The following PCNA variants were observed in gnomAD, a reference collection of about 807,000 sequenced individuals.
PCNA encodes the protein DNA sliding clamp PCNA.
Under a neutral mutation model 27.8 loss-of-function variants are expected in PCNA, and 4 were observed. The observed-to-expected ratio is 0.14, with a 90% CI of 0.07 to 0.33. The LOEUF is 0.33. Ranked by LOEUF, PCNA falls within the 10% of genes least tolerant of loss-of-function variation. The probability of loss-of-function intolerance (pLI) is 1.00; values close to 1 mark genes in which losing one functional copy is unlikely to be tolerated. For missense variants in PCNA, 165 were observed against 327.4 expected, an observed-to-expected ratio of 0.50 and a Z score of 3.83; for synonymous variants, 121 against 119.4, an observed-to-expected ratio of 1.01 and a Z score of -0.09.
At chr20:5,118,521 G>A (rs1415439157) in intron 3 of PCNA, 89 bp downstream of exon 3, 2 of 962,898 alleles carry the variant, frequency 2.1e-6, no homozygotes, top group African/African-American at 1.6e-5. Flanking sequence ...ACAGAGCCAA[G>A]ACCCTGTCTG....
upstream of PCNA, among the ~76,000 whole-genome samples, chr20:5,124,522 C>T (rs180756758): frequency 6.6e-3 from 996 of 151,354 alleles, 4 homozygotes; most frequent in African/African-American, 0.022. Context: ...CCCAGCTACT[C>T]GGGAGGCTGA....
chr20:5,119,701 C>A lies in PCNA; in HGVS notation c.98G>T (p.Ser33Ile). ...INEACWDISS[S>I]GVNLQSMDSS... ...GTCCATGCTCTGCAGGTTTACACCG[C>A]TGGAGCTAATATCCCAGCAGGCCTC... Residue 33 changes from serine to isoleucine, a missense_variant, in exon 1 of 6, where the codon AGC (serine) becomes ATC (isoleucine). Ser to Ile is a moderately radical substitution (Grantham distance 142, BLOSUM62 -2). Transcript: ENST00000379143. 6.2e-7 allele frequency: 1 copy of A among 1,608,028 alleles called. No individual in the cohort carries two copies. Among genetic ancestry groups the A allele is most frequent in the African/African-American group, 1.3e-5 (1 of 74,960 alleles).
In PCNA at chr20:5,115,572, C is replaced by T; in HGVS notation, c.583G>A (p.Val195Ile). ...TSNVDKEEEA[V>I]TIEMNEPVQL... is the part of the protein sequence containing the mutation. ...ACTGGTTCATTCATCTCTATGGTAA[C>T]CTACAAAACAAAAGATTCATCATTG... Residue 195 changes from valine (V) to isoleucine (I), a missense_variant and splice_region_variant, in exon 5 of 6, where the codon GTT (valine) becomes ATT (isoleucine). Coordinates refer to ENST00000379143, the MANE Select transcript of PCNA (RefSeq NM_182649.2). 6.2e-7 allele frequency: 1 copy of T among 1,611,162 alleles called. No individual in the cohort carries two copies. Among genetic ancestry groups the T allele is most frequent in the Non-Finnish European group, 8.5e-7 (1 of 1,178,680 alleles).
At chr20:5,123,694 CAA>C (rs79962697), upstream of PCNA, among the ~76,000 whole-genome samples, 28 of 87,458 alleles carry the variant, frequency 3.2e-4, no homozygotes, top group African/African-American at 3.8e-4. Context: ...ACCTCCATCT[CAA>C]AAAAAAAAAA....
At chr20:5,115,410 T>C in intron 5 of PCNA, 39 bp downstream of exon 5, 2 of 1,613,798 alleles carry the variant, frequency 1.2e-6, no homozygotes, top group Non-Finnish European at 1.7e-6. Context: ...GTATCACATA[T>C]GACTACCTAC....
chr20:5,118,528 T>A lies in PCNA; in HGVS notation c.387+82A>T, dbSNP rs534062260. On this transcript the variant is annotated intron_variant, in intron 3 of 5. Transcript: ENST00000379143. ...CCTGGGCAACAGAGCCAAGACCCTGTCTGTAAAAATAAACAAACATTCTAT... is the reference window on the plus strand; with the variant it reads ...CCTGGGCAACAGAGCCAAGACCCTGACTGTAAAAATAAACAAACATTCTAT... 1.7e-5 allele frequency: 17 copies of A among 1,020,438 alleles called. No homozygotes were observed. The East Asian group carries it at 3.8e-4, about 23-fold the overall frequency. 63.2% of individuals were successfully genotyped at this position (1,020,438 alleles called of 1,614,324 possible).
At chr20:5,115,603 C>T in intron 4 of PCNA, 31 bp from the exon 5 acceptor site, 1 of 1,593,512 alleles carries the variant, frequency 6.3e-7, no homozygotes, top group Non-Finnish European at 8.6e-7. Context: ...CATTGAAAAA[C>T]ATCAAGAAAG....
upstream of PCNA, chr20:5,120,137 A>G (rs2090508633): frequency 9.9e-6 from 3 of 302,112 alleles, no homozygotes; most frequent in South Asian, 8.9e-5. Context: ...AGCGTCGCGC[A>G]GGTCTCCCCG....
rs1056398901 is a variant in PCNA at position 5,115,076 on chromosome 20, G to T, written c.*207C>A. ...TTTCTAAGAGACAAAAATACTTCTA[G>T]GTTAACTAGACCAGATCTGACTTTG... On this transcript the variant is annotated 3_prime_UTR_variant, in exon 6 of 6. Coordinates refer to ENST00000379143, the MANE Select transcript of PCNA (RefSeq NM_182649.2). 3.1e-5 allele frequency: 14 copies of T among 451,236 alleles called. No individual in the cohort carries two copies. The Admixed American group carries it at 3.5e-4, about 11-fold the overall frequency. The allele number at this position is 451,236 out of a possible 1,614,324, so 28.0% of individuals were successfully genotyped here. A position where few individuals can be genotyped will look rare whatever the true frequency, so the allele number is the denominator to read the frequency against.
intron 1 of PCNA, chr20:5,126,394 G>A (rs1006926859): frequency 1.3e-5 from 2 of 152,288 alleles, no homozygotes; most frequent in Non-Finnish European, 2.9e-5. Flanking sequence ...AAGCAAAGCA[G>A]ACTGAAGCGT....
Position 5,118,692 on chromosome 20 carries a change from C to G in PCNA, c.320-15G>C. 1.2e-6 allele frequency: 2 copies of G among 1,611,648 alleles called. No individual in the cohort carries two copies. Among genetic ancestry groups the G allele is most frequent in the Non-Finnish European group, 1.7e-6 (2 of 1,177,676 alleles). ...TTTCTCCTGGTCTACCAAAAGAAAG[C>G]AGATGCTTTTGAGAAATACTGACAC... On this transcript the variant is annotated splice_polypyrimidine_tract_variant and intron_variant, in intron 2 of 5. Coordinates refer to ENST00000379143, the MANE Select transcript of PCNA (RefSeq NM_182649.2).
In PCNA at chr20:5,116,030, C is replaced by G. The variant is rs2090472411; in HGVS notation, c.583-458G>C. Among the ~76,000 whole-genome samples, 6 of 152,284 alleles carry G rather than the reference C, an allele frequency of 3.9e-5. No homozygotes were observed. The South Asian group carries it at 1.2e-3, about 32-fold the overall frequency. On this transcript the variant is annotated intron_variant, in intron 4 of 5. Coordinates refer to ENST00000379143, the MANE Select transcript of PCNA (RefSeq NM_182649.2). ...GAATATCAAGGCTCCAGGGCTATAGCTACCAGTCTGTAGGACACACAGGGT... is the reference window on the plus strand; with the variant it reads ...GAATATCAAGGCTCCAGGGCTATAGGTACCAGTCTGTAGGACACACAGGGT...
In PCNA at chr20:5,115,205, A is replaced by G. The variant is rs564379564; in HGVS notation, c.*78T>C. The G allele has an allele frequency of 4.7e-6, 5 of 1,073,486 alleles. No homozygotes were observed. In the East Asian group the frequency reaches 1.2e-4, roughly 26 times the overall value. The allele number at this position is 1,073,486 out of a possible 1,614,324, so 66.5% of individuals were successfully genotyped here. ...TTAGAGGTACAAATTTGGTGACAGA[A>G]AAGACTTCAGTATATGCTGGCATCT... On this transcript the variant is annotated 3_prime_UTR_variant, in exon 6 of 6. Transcript: ENST00000379143.
At chr20:5,126,090 C>A (rs1270712960) in intron 1 of PCNA, among the ~76,000 whole-genome samples, 1 of 152,140 alleles carries the variant, frequency 6.6e-6, no homozygotes, top group Admixed American at 6.5e-5. Flanking sequence ...AAAAGTTAGC[C>A]GGGCGTGGTG....
At chr20:5,121,293 G>A (rs1478901843), upstream of PCNA, 2 of 151,164 alleles carry the variant, frequency 1.3e-5, no homozygotes, top group Non-Finnish European at 2.9e-5. Context: ...GGGAACTGAA[G>A]ATTCATTTCA....
At chr20:5,125,028 C>T (rs542503161) in intron 1 of PCNA, among the ~76,000 whole-genome samples, 1 of 152,306 alleles carries the variant, frequency 6.6e-6, no homozygotes, top group Admixed American at 6.5e-5. Context: ...TAGACACTAA[C>T]ATCTTCACCT....
At chr20:5,120,498 A>G (rs996594909), upstream of PCNA, among the ~76,000 whole-genome samples, 8 of 152,130 alleles carry the variant, frequency 5.3e-5, no homozygotes, top group East Asian at 3.9e-4. Context: ...TAATCACTCA[A>G]TCGTTCATTG....
chr20:5,121,180 C>A (rs78731136), upstream of PCNA, among the ~76,000 whole-genome samples: 2,569 of 152,174 alleles, frequency 0.017, 74 homozygotes, highest in African/African-American at 0.058. Flanking sequence ...TTGCTTTCTT[C>A]ACACCACTTC....
chr20:5,118,873 G>C lies in PCNA; in HGVS notation c.222-7C>G. The C allele has an allele frequency of 1.3e-6, 2 of 1,579,020 alleles. No individual in the cohort carries two copies. Among genetic ancestry groups the C allele is most frequent in the Non-Finnish European group, 1.7e-6 (2 of 1,149,200 alleles). On this transcript the variant is annotated splice_region_variant and splice_polypyrimidine_tract_variant and intron_variant, in intron 1 of 5. Coordinates refer to ENST00000379143, the MANE Select transcript of PCNA (RefSeq NM_182649.2). The stretch of plus-strand genomic sequence containing the variant: ...TTTTAGTATTTTGGACATACTAGAA[G>C]ACAGGAGACACATGCTTTAAAATCA...
Sources: gnomAD v4.1 joint callset for allele counts (sites outside exome capture counted in the v4.1 genomes callset) on GRCh38, gnomAD v4.1.1 for gene constraint, MANE v1.5 for transcripts, NCBI Gene and HGNC (gene_info 2026-07-23, HGNC 2026-07-21) for gene names.